NAIF1: variants seen among roughly 807,000 people sequenced by gnomAD.
NAIF1 encodes nuclear apoptosis-inducing factor 1.
A neutral mutation model predicts 20.7 loss-of-function variants in NAIF1; 14 were observed. The ratio of observed to expected loss-of-function variants is 0.67; its 90% confidence interval spans 0.45 to 1.05. The LOEUF (loss-of-function observed/expected upper bound fraction) is 1.05. NAIF1 is among the 50% of genes least tolerant of loss of function. The pLI is 0.00. For synonymous variants in NAIF1, 191 were observed against 191.4 expected (o/e 1.00, Z 0.02); for missense variants, 362 against 448.8 (o/e 0.81, Z 1.75).
rs1164551891 is a variant in NAIF1, at chr9:128,066,923, G to T, written c.179C>A (p.Thr60Asn). The T allele has an allele frequency of 6.2e-7, 1 of 1,612,858 alleles. No homozygotes were observed. Among genetic ancestry groups the T allele is most frequent in the Non-Finnish European group, 8.5e-7 (1 of 1,179,992 alleles). Reference protein sequence around the residue: ...GILRRVNAVATCRRELPEVKK... With the variant: ...GILRRVNAVANCRRELPEVKK... Reference sequence around the variant, plus strand: ...GACCTCAGGCAGCTCTCTGCGGCAGGTGGCCACGGCGTTGACCCTTCTCAG... The same window carrying T: ...GACCTCAGGCAGCTCTCTGCGGCAGTTGGCCACGGCGTTGACCCTTCTCAG... The change falls in exon 1 of 2, where the codon ACC (threonine) becomes AAC (asparagine). Residue 60 changes from threonine to asparagine, a missense_variant. Transcript: ENST00000373078.
At chr9:128,064,242 C>T (rs1832753408) in intron 1 of NAIF1, among the ~76,000 whole-genome samples, 1 of 151,794 alleles carries the variant, frequency 6.6e-6, no homozygotes, top group Non-Finnish European at 1.5e-5. Context: ...GCGCCCGCCA[C>T]TGCGCCCGGC....
In NAIF1 at chr9:128,063,236, A is replaced by AG. The variant is rs2130771771; in HGVS notation, c.*191dup. The AG allele has an allele frequency of 1.7e-6, 1 of 602,094 alleles. No homozygotes were observed. Among genetic ancestry groups the AG allele is most frequent in the Non-Finnish European group, 2.9e-6 (1 of 341,344 alleles). 37.3% of individuals were successfully genotyped at this position (602,094 alleles called of 1,614,324 possible). On this transcript the variant is annotated 3_prime_UTR_variant, in exon 2 of 2. Coordinates refer to ENST00000373078, the MANE Select transcript of NAIF1 (RefSeq NM_197956.4). The surrounding 1 kb of genome is among the most constrained non-coding windows in gnomAD (Gnocchi z 4.3). Reference sequence around the variant, plus strand: ...TGGATCTTAGCAAGGCAGCTCAAGTAGGGGGAGTATGAGTTTGGGTCCCAG... The same window carrying AG: ...TGGATCTTAGCAAGGCAGCTCAAGTAGGGGGGAGTATGAGTTTGGGTCCCAG...
At chr9:128,064,135 C>T (rs1049495031) in intron 1 of NAIF1, among the ~76,000 whole-genome samples, 8 of 126,574 alleles carry the variant, frequency 6.3e-5, no homozygotes, top group African/African-American at 1.6e-4. Context: ...GTCGCCCAGG[C>T]GGGAGTGCTG....
At position 128,063,337 on chromosome 9, in the gene NAIF1, C is replaced by T. The variant is rs766758910; in HGVS notation, c.*91G>A. The T allele has an allele frequency of 3.0e-4, 364 of 1,202,894 alleles. No homozygotes were observed. Among genetic ancestry groups the T allele is most frequent in the South Asian group, 6.5e-4 (47 of 72,282 alleles). 74.5% of individuals were successfully genotyped at this position (1,202,894 alleles called of 1,614,324 possible). A position where few individuals can be genotyped will look rare whatever the true frequency, so the allele number is the denominator to read the frequency against. Reference sequence around the variant, plus strand: ...TTAAAGAGGGAGCTGTGCACGTGGCCGGTCTAAGGCCAAGGCCAATCACAG... The same window carrying T: ...TTAAAGAGGGAGCTGTGCACGTGGCTGGTCTAAGGCCAAGGCCAATCACAG... On this transcript the variant is annotated 3_prime_UTR_variant, in exon 2 of 2. Transcript: ENST00000373078. This position sits in a 1 kb window ranked among gnomAD's most constrained non-coding sequence, Gnocchi z 4.3.
chr9:128,066,786 C>G lies in NAIF1; in HGVS notation c.316G>C (p.Gly106Arg), dbSNP rs1477306504. ...PGPTEEDGAG[G>R]PGTGGGSGGG... ...CCACTGCCACCGCCTGTCCCAGGCC[C>G]CCCAGCTCCGTCCTCCTCAGTGGGC... Residue 106 changes from glycine (G) to arginine (R), a missense_variant, in exon 1 of 2, where the codon GGG (glycine) becomes CGG (arginine). By Grantham distance (125) the Gly-to-Arg change is moderately radical. Transcript: ENST00000373078. The G allele has an allele frequency of 6.2e-7, 1 of 1,610,034 alleles. No individual in the cohort carries two copies. Among genetic ancestry groups the G allele is most frequent in the Non-Finnish European group, 8.5e-7 (1 of 1,177,658 alleles).
intron 1 of NAIF1, among the ~76,000 whole-genome samples, chr9:128,065,132 G>A (rs1443860969): frequency 3.8e-5 from 5 of 132,412 alleles, no homozygotes; most frequent in Non-Finnish European, 8.0e-5. Flanking sequence ...TTTTTGAGAC[G>A]GAGTTTTGCT....
At position 128,065,886 on chromosome 9, in the gene NAIF1, A is replaced by G. The variant is rs535532022; in HGVS notation, c.511+705T>C. 7.2e-5 allele frequency among the ~76,000 whole-genome samples: 11 copies of G among 152,206 alleles called. No homozygotes were observed. The East Asian group carries it at 1.9e-3, about 27-fold the overall frequency. Reference sequence around the variant, plus strand: ...CAAGCTCCTCCACCCTTCAACGCCAATGTCAGCTATGTGTCCTTATGCCAC... The same window carrying G: ...CAAGCTCCTCCACCCTTCAACGCCAGTGTCAGCTATGTGTCCTTATGCCAC... On this transcript the variant is annotated intron_variant, in intron 1 of 1. Coordinates refer to ENST00000373078, the MANE Select transcript of NAIF1 (RefSeq NM_197956.4).
rs374158458 is a variant in NAIF1 at position 128,064,688 on chromosome 9, G to T, written c.512-788C>A. Among the ~76,000 whole-genome samples, 9 of 152,006 alleles carry T rather than the reference G, an allele frequency of 5.9e-5. 1 individual carries two copies. In the Middle Eastern group the frequency reaches 0.014, roughly 230 times the overall value. Reference sequence around the variant, plus strand: ...AGCCCGATGTGCTCCTGACCTCCACGCTGGGCTGCTCCTAGCTAAGAAAGG... The same window carrying T: ...AGCCCGATGTGCTCCTGACCTCCACTCTGGGCTGCTCCTAGCTAAGAAAGG... On this transcript the variant is annotated intron_variant, in intron 1 of 1. Coordinates refer to ENST00000373078, the MANE Select transcript of NAIF1 (RefSeq NM_197956.4).
rs1241996214 is a variant in NAIF1, at chr9:128,061,579, T to A, written c.*1849A>T. On this transcript the variant is annotated 3_prime_UTR_variant, in exon 2 of 2. Coordinates refer to ENST00000373078, the MANE Select transcript of NAIF1 (RefSeq NM_197956.4). ...TGCACGAATGCCTCCACAGAGAGGC[T>A]GACAGTACAGCAGTCACCTCCCAGC... 2 of 152,228 alleles carry A rather than the reference T, an allele frequency of 1.3e-5. No homozygotes were observed. The highest frequency in any genetic ancestry group is 2.9e-5 in the Non-Finnish European group (2 of 68,066). The allele number at this position is 152,228 out of a possible 1,614,324, so 9.4% of individuals were successfully genotyped here. A position where few individuals can be genotyped will look rare whatever the true frequency, so the allele number is the denominator to read the frequency against.
rs754606618 is a variant in NAIF1 at position 128,063,542 on chromosome 9, C to A, written c.870G>T (p.Arg290=). ...AALSVLIQVL[R]PMIKDFRRYL... ...AGCGGCGGAAATCTTTGATCATAGGCCGGAGGACCTGGATGAGGACGCTCA... is the reference window on the plus strand; with the variant it reads ...AGCGGCGGAAATCTTTGATCATAGGACGGAGGACCTGGATGAGGACGCTCA... Residue 290 remains arginine (R), a synonymous_variant, in exon 2 of 2, where the codon CGG becomes CGT. Transcript: ENST00000373078. This position sits in a 1 kb window ranked among gnomAD's most constrained non-coding sequence, Gnocchi z 4.3. 2.5e-6 allele frequency: 4 copies of A among 1,610,760 alleles called. No homozygotes were observed. In the Admixed American group the frequency reaches 5.0e-5, roughly 20 times the overall value.
Position 128,066,846 on chromosome 9 carries a change from C to G in NAIF1, c.256G>C (p.Val86Leu). ...TCACCACCCTCCACGGCGGCCCGGA[C>G]CTGGGCAACCTTGCGACGGACCTCG... ...KTEVRRKVAQVRAAVEGGEAP... is the reference protein window; with the variant it reads ...KTEVRRKVAQLRAAVEGGEAP... The change falls in exon 1 of 2, where the codon GTC becomes CTC. Residue 86 changes from valine (V) to leucine (L), a missense_variant. By Grantham distance (32) the Val-to-Leu change is conservative. Transcript: ENST00000373078. The G allele has an allele frequency of 1.2e-6, 2 of 1,612,500 alleles. No homozygotes were observed. The highest frequency in any genetic ancestry group is 1.7e-6 in the Non-Finnish European group (2 of 1,179,816).
intron 1 of NAIF1, among the ~76,000 whole-genome samples, chr9:128,065,337 G>A (rs1353414893): frequency 6.6e-6 from 1 of 151,896 alleles, no homozygotes; most frequent in African/African-American, 2.4e-5. Context: ...GGCTTGTCTC[G>A]AACTCCTGAC....
At position 128,066,686 on chromosome 9, in the gene NAIF1, G is replaced by A. The variant is rs1441999262; in HGVS notation, c.416C>T (p.Ala139Val). The A allele has an allele frequency of 6.2e-7, 1 of 1,608,810 alleles. No individual in the cohort carries two copies. The highest frequency in any genetic ancestry group is 8.5e-7 in the Non-Finnish European group (1 of 1,177,204). ...QQRICNLLGE[A>V]TIISLPSTTE... ...GGTGCTGGGCAGGCTGATGATGGTG[G>A]CCTCGCCCAGCAGGTTGCAGATACG... Residue 139 changes from alanine to valine, a missense_variant, in exon 1 of 2, where the codon GCC becomes GTC. Ala to Val is a moderately conservative substitution (Grantham distance 64). Coordinates refer to ENST00000373078, the MANE Select transcript of NAIF1 (RefSeq NM_197956.4).
rs551936503 is a variant in NAIF1 at position 128,066,498 on chromosome 9, C to T, written c.511+93G>A. 8 of 1,384,964 alleles carry T rather than the reference C, an allele frequency of 5.8e-6. No individual in the cohort carries two copies. In the African/African-American group the frequency reaches 1.0e-4, roughly 18 times the overall value. The allele number at this position is 1,384,964 out of a possible 1,614,324, so 85.8% of individuals were successfully genotyped here. ...GTCTTCCAAGACCCCCATCTGACCT[C>T]TGACCCTTGGCAGCCAACCTTCCCC... On this transcript the variant is annotated intron_variant, in intron 1 of 1. Coordinates refer to ENST00000373078, the MANE Select transcript of NAIF1 (RefSeq NM_197956.4).
In NAIF1 at chr9:128,063,309, T is replaced by G; in HGVS notation, c.*119A>C. The G allele has an allele frequency of 1.1e-6, 1 of 910,048 alleles. No homozygotes were observed. 56.4% of individuals were successfully genotyped at this position (910,048 alleles called of 1,614,324 possible). On this transcript the variant is annotated 3_prime_UTR_variant, in exon 2 of 2. Transcript: ENST00000373078. The surrounding 1 kb of genome is among the most constrained non-coding windows in gnomAD (Gnocchi z 4.3). ...CAAAAACAGTGCAACCCCTAAGCGT[T>G]TATTAAAGAGGGAGCTGTGCACGTG...
Position 128,063,405 on chromosome 9 carries a change from G to T in NAIF1, c.*23C>A. The T allele has an allele frequency of 6.3e-7, 1 of 1,588,736 alleles. No homozygotes were observed. The highest frequency in any genetic ancestry group is 1.1e-5 in the South Asian group (1 of 90,212). On this transcript the variant is annotated 3_prime_UTR_variant, in exon 2 of 2. Transcript: ENST00000373078. The surrounding 1 kb of genome is among the most constrained non-coding windows in gnomAD (Gnocchi z 4.3). ...ATGGAGTTTTCATCCCATCATGGCAGAAGGCTGGCCTGACCCCTGCCCTCA... is the reference window on the plus strand; with the variant it reads ...ATGGAGTTTTCATCCCATCATGGCATAAGGCTGGCCTGACCCCTGCCCTCA...
rs1430264773 is a variant in NAIF1, at chr9:128,063,946, A to G, written c.512-46T>C. The G allele has an allele frequency of 1.6e-5, 25 of 1,558,954 alleles. No individual in the cohort carries two copies. Among genetic ancestry groups the G allele is most frequent in the Non-Finnish European group, 1.9e-5 (22 of 1,149,458 alleles). ...AGGCCAAGGGAGGTCACTTTCTGGA[A>G]GGAATAAAGCTGGCTGTATGGGGTG... On this transcript the variant is annotated intron_variant, in intron 1 of 1. Transcript: ENST00000373078. This position sits in a 1 kb window ranked among gnomAD's most constrained non-coding sequence, Gnocchi z 4.3.
At position 128,063,737 on chromosome 9, in the gene NAIF1, G is replaced by A; in HGVS notation, c.675C>T (p.Asn225=). 6.2e-7 allele frequency: 1 copy of A among 1,614,234 alleles called. No homozygotes were observed. The highest frequency in any genetic ancestry group is 8.5e-7 in the Non-Finnish European group (1 of 1,180,050). The change falls in exon 2 of 2, where the codon AAC becomes AAT. Residue 225 remains asparagine, a synonymous_variant. Coordinates refer to ENST00000373078, the MANE Select transcript of NAIF1 (RefSeq NM_197956.4). The surrounding 1 kb of genome is among the most constrained non-coding windows in gnomAD (Gnocchi z 4.3). ...GCTGCTCCTGTATCAGCTTGGCGGA[G>A]TTGAGAGCAATGCGGCTCTTGAGCG... ...PQALKSRIAL[N]SAKLIQEQRV...
intron 1 of NAIF1, among the ~76,000 whole-genome samples, chr9:128,065,492 G>T (rs1832767366): frequency 6.6e-6 from 1 of 152,148 alleles, no homozygotes; most frequent in African/African-American, 2.4e-5. Context: ...GGCAGCAGTA[G>T]CTAAAGTACC....
Sources: gnomAD v4.1 joint callset for allele counts (sites outside exome capture counted in the v4.1 genomes callset) on GRCh38, gnomAD v4.1.1 for gene constraint, Gnocchi (gnomAD v3.1) non-coding constraint, MANE v1.5 for transcripts, NCBI Gene and HGNC (gene_info 2026-07-23, HGNC 2026-07-21) for gene names.